The following ALKBH8 variants were observed in gnomAD, a reference collection of about 807,000 sequenced individuals.
The protein encoded by ALKBH8 is tRNA (carboxymethyluridine(34)-5-O)-methyltransferase ALKBH8.
A neutral mutation model predicts 59.8 loss-of-function variants in ALKBH8; 36 were observed. The ratio of observed to expected loss-of-function variants is 0.60; its 90% CI spans 0.46 to 0.79. ALKBH8 has a LOEUF of 0.79. Among genes scored for constraint, ALKBH8 ranks in the 30% least tolerant of loss-of-function variants. The probability of loss-of-function intolerance (pLI) is 0.00; values close to 1 mark genes in which losing one functional copy is unlikely to be tolerated. For missense variants in ALKBH8, 768 were observed against 801.0 expected, an observed-to-expected ratio of 0.96 and a Z score of 0.50; for synonymous variants, 276 against 273.6, an observed-to-expected ratio of 1.01 and a Z score of -0.09.
intron 2 of ALKBH8, among the ~76,000 whole-genome samples, chr11:107,558,091 A>G (rs560432980): frequency 6.6e-6 from 1 of 152,314 alleles, no homozygotes; most frequent in South Asian, 2.1e-4. Context: ...TGTAAAACTC[A>G]TTATTTTGGT....
chr11:107,511,160 A>T, intron 10 of ALKBH8, 124 bp from the exon 11 acceptor site: 2 of 967,212 alleles, frequency 2.1e-6, no homozygotes, highest in Admixed American at 5.2e-5. Context: ...ATGGTCTGAG[A>T]CCATGATACT....
chr11:107,511,847 AT>A, intron 10 of ALKBH8, among the ~76,000 whole-genome samples: 1 of 152,108 alleles, frequency 6.6e-6, no homozygotes, highest in Non-Finnish European at 1.5e-5. Flanking sequence ...AAGTGCTGGG[AT>A]TACGGGTGTT....
At chr11:107,519,179 C>G (rs1863000388) in intron 10 of ALKBH8, among the ~76,000 whole-genome samples, 1 of 152,064 alleles carries the variant, frequency 6.6e-6, no homozygotes, top group Admixed American at 6.6e-5. Flanking sequence ...GATCTTGGCT[C>G]ACTGCAACCT....
Position 107,549,809 on chromosome 11 carries a change from T to C in ALKBH8, c.715A>G (p.Ile239Val), listed in dbSNP as rs989533737. 1.3e-6 allele frequency: 2 copies of C among 1,549,090 alleles called. No individual in the cohort carries two copies. The highest frequency in any genetic ancestry group is 1.7e-6 in the Non-Finnish European group (2 of 1,144,934). The change falls in exon 7 of 12, where the codon ATT becomes GTT. Residue 239 changes from isoleucine to valine, a missense_variant. Coordinates refer to ENST00000428149, the MANE Select transcript of ALKBH8 (RefSeq NM_138775.3). ...TCCTCAAAAGCGGAATGTGTATCAA[T>C]ATGAGCGGGAATTCCTGAGATGGAA... Reference protein sequence around the residue: ...YEPGQGIPAHIDTHSAFEDEI... With the variant: ...YEPGQGIPAHVDTHSAFEDEI...
chr11:107,512,642 C>A (rs1862685501), intron 10 of ALKBH8, among the ~76,000 whole-genome samples: 1 of 152,042 alleles, frequency 6.6e-6, no homozygotes, highest in Non-Finnish European at 1.5e-5. Context: ...TGATAACTAT[C>A]CCTGGATAAT....
rs1477961312 is a variant in ALKBH8 at position 107,529,499 on chromosome 11, C to T, written c.878+2801G>A. On this transcript the variant is annotated intron_variant, in intron 8 of 11. Transcript: ENST00000428149. ...ATACATTCTCATTCAGGCTAGCTTT[C>T]CATCTCCTACTTCTTTTTTTTTTGA... Among the ~76,000 whole-genome samples, 6 of 143,630 alleles carry T rather than the reference C, an allele frequency of 4.2e-5. No individual in the cohort carries two copies. In the East Asian group the frequency reaches 1.3e-3, roughly 31 times the overall value. The allele number at this position is 143,630 out of a possible 152,430, so 94.2% of individuals were successfully genotyped here.
Position 107,532,428 on chromosome 11 carries a change from T to C in ALKBH8, c.772-22A>G, listed in dbSNP as rs764838407. On this transcript the variant is annotated intron_variant, in intron 7 of 11. Transcript: ENST00000428149. ...CAATCTTGAAGCAAAGATAAAAGCATAAAGATCAATCCAAAATTTCATATA... is the reference window on the plus strand; with the variant it reads ...CAATCTTGAAGCAAAGATAAAAGCACAAAGATCAATCCAAAATTTCATATA... The C allele has an allele frequency of 5.7e-6, 9 of 1,588,796 alleles. No homozygotes were observed. The African/African-American group carries it at 6.7e-5, about 12-fold the overall frequency.
At chr11:107,511,083 G>A (rs1862604315) in intron 10 of ALKBH8, 47 bp from the exon 11 acceptor site, 3 of 1,536,732 alleles carry the variant, frequency 2.0e-6, no homozygotes, top group Non-Finnish European at 1.8e-6. Context: ...AATTTCACAT[G>A]AAATTAAGAA....
At chr11:107,564,674 A>G (rs1026992346) in intron 1 of ALKBH8, among the ~76,000 whole-genome samples, 11 of 152,136 alleles carry the variant, frequency 7.2e-5, no homozygotes, top group Admixed American at 7.2e-4. Context: ...TTTAGAAAAA[A>G]ATTCACCCCA....
chr11:107,505,071 T>G lies in ALKBH8; in HGVS notation c.1582A>C (p.Lys528Gln), dbSNP rs1212485339. The change falls in exon 12 of 12, where the codon AAA becomes CAA. Residue 528 changes from lysine (K) to glutamine (Q), a missense_variant. Lys to Gln is a moderately conservative substitution (Grantham distance 53, BLOSUM62 1). Transcript: ENST00000428149. ...GAGGTATCACTGTTCATCTCCTCTT[T>G]CTTTCCTTGGCTATTTCTGTTTCCT... ...LRGNRNSQGK[K>Q]EEMNSDTSVQ... The G allele has an allele frequency of 3.9e-6, 6 of 1,551,640 alleles. No homozygotes were observed. Among genetic ancestry groups the G allele is most frequent in the Non-Finnish European group, 5.2e-6 (6 of 1,146,964 alleles).
At position 107,513,695 on chromosome 11, in the gene ALKBH8, C is replaced by G. The variant is rs540945480; in HGVS notation, c.1288-2659G>C. 8.8e-4 allele frequency among the ~76,000 whole-genome samples: 134 copies of G among 152,266 alleles called. 2 individuals carry two copies. The highest frequency in any genetic ancestry group is 3.4e-3 in the Middle Eastern group (1 of 294). On this transcript the variant is annotated intron_variant, in intron 10 of 11. Transcript: ENST00000428149. ...CAAATGTGTTACACACTATGGAATA[C>G]TATACAACCATAAAAAAGAATGAGA...
chr11:107,513,246 G>A (rs1555039660), intron 10 of ALKBH8, among the ~76,000 whole-genome samples: 35 of 152,112 alleles, frequency 2.3e-4, no homozygotes, highest in Non-Finnish European at 5.9e-5. Flanking sequence ...CAAAGGACAT[G>A]AACAGATACT....
In ALKBH8 at chr11:107,565,618, C is replaced by T; in HGVS notation, c.-24G>A. The stretch of plus-strand genomic sequence containing the variant: ...CCACACACCTCCGCTTCGGCTCAGG[C>T]CGGATTCTCACCATGCGTGTGCCTT... On this transcript the variant is annotated 5_prime_UTR_variant, in exon 1 of 12. Transcript: ENST00000428149. 3 of 1,535,742 alleles carry T rather than the reference C, an allele frequency of 2.0e-6. No homozygotes were observed. The highest frequency in any genetic ancestry group is 2.6e-6 in the Non-Finnish European group (3 of 1,146,914).
Position 107,504,240 on chromosome 11 carries a change from C to G in ALKBH8, c.*418G>C. ...TCTATGATTTTACAGAGCTAAAAAT[C>G]ATAGGTAAAACTTCAGACAATTTTC... is the stretch of plus-strand genomic sequence containing the variant. On this transcript the variant is annotated 3_prime_UTR_variant, in exon 12 of 12. Coordinates refer to ENST00000428149, the MANE Select transcript of ALKBH8 (RefSeq NM_138775.3). 1 of 430,238 alleles carries G rather than the reference C, an allele frequency of 2.3e-6. No homozygotes were observed. The highest frequency in any genetic ancestry group is 4.1e-6 in the Non-Finnish European group (1 of 246,196). The allele number at this position is 430,238 out of a possible 1,614,324, so 26.7% of individuals were successfully genotyped here. A position where few individuals can be genotyped will look rare whatever the true frequency, so the allele number is the denominator to read the frequency against.
At chr11:107,549,701 G>T in intron 7 of ALKBH8, 52 bp downstream of exon 7, 1 of 1,233,504 alleles carries the variant, frequency 8.1e-7, no homozygotes, top group Non-Finnish European at 1.1e-6. Context: ...TTTGAAAAGG[G>T]CATTGTACAA....
intron 4 of ALKBH8, 128 bp downstream of exon 4, chr11:107,553,719 T>C (rs772034548): frequency 1.7e-4 from 164 of 957,406 alleles, no homozygotes; most frequent in Admixed American, 2.7e-4. Flanking sequence ...TGGTATGACT[T>C]GCCTAACATT....
chr11:107,548,027 CT>C (rs1864339170), intron 7 of ALKBH8, among the ~76,000 whole-genome samples: 1 of 152,174 alleles, frequency 6.6e-6, no homozygotes, highest in Admixed American at 6.5e-5. Context: ...GGGAACTTCC[CT>C]AGGAATAAAA....
chr11:107,505,219 A>G lies in ALKBH8; in HGVS notation c.1438-4T>C, dbSNP rs778320324. ...GGAGAGCTGCCACTCTACGCTCCTAATGAAAAAAAACAAAACACATGATCA... is the reference window on the plus strand; with the variant it reads ...GGAGAGCTGCCACTCTACGCTCCTAGTGAAAAAAAACAAAACACATGATCA... On this transcript the variant is annotated splice_region_variant and splice_polypyrimidine_tract_variant and intron_variant, in intron 11 of 11. Transcript: ENST00000428149. The G allele has an allele frequency of 1.3e-6, 2 of 1,517,050 alleles. No individual in the cohort carries two copies. Among genetic ancestry groups the G allele is most frequent in the Non-Finnish European group, 1.8e-6 (2 of 1,131,390 alleles). 94.0% of individuals were successfully genotyped at this position (1,517,050 alleles called of 1,614,324 possible).
chr11:107,509,317 A>C (rs766505914), intron 11 of ALKBH8, among the ~76,000 whole-genome samples: 28 of 152,128 alleles, frequency 1.8e-4, no homozygotes, highest in Non-Finnish European at 3.2e-4. Flanking sequence ...TCTTTGGAAA[A>C]ATGTCTATTT....
Sources: allele counts gnomAD v4.1 joint callset (sites outside exome capture counted in the v4.1 genomes callset), GRCh38; gene constraint gnomAD v4.1.1; transcripts MANE v1.5; gene names NCBI Gene and HGNC (gene_info 2026-07-23, HGNC 2026-07-21).